MCC: variants seen among roughly 807,000 people sequenced by gnomAD.
MCC encodes the protein colorectal mutant cancer protein.
In MCC, 90 loss-of-function variants were observed where a neutral mutation model predicts 116.2. That is an observed-to-expected ratio of 0.77 (90% CI 0.65 to 0.92). MCC has a LOEUF of 0.92. Ranked by LOEUF, MCC falls within the 40% of genes least tolerant of loss-of-function variation. MCC has a pLI of 0.00. For missense variants in MCC, 1,516 were observed against 1,312.2 expected, an observed-to-expected ratio of 1.16 and a Z score of -2.40; for synonymous variants, 578 against 510.5, an observed-to-expected ratio of 1.13 and a Z score of -1.78.
intron 3 of MCC, among the ~76,000 whole-genome samples, chr5:113,217,028 C>A (rs942202682): frequency 5.9e-5 from 9 of 152,212 alleles, no homozygotes; most frequent in African/African-American, 1.9e-4. Flanking sequence ...GCTCCAAGTA[C>A]ACTGACAATG....
At chr5:113,046,364 G>A (rs916985939) in intron 16 of MCC, among the ~76,000 whole-genome samples, 3 of 151,990 alleles carry the variant, frequency 2.0e-5, no homozygotes, top group African/African-American at 7.2e-5. Flanking sequence ...GCTAATTTTT[G>A]TATTTTTAGT....
At chr5:113,291,433 G>C (rs937224553) in intron 3 of MCC, among the ~76,000 whole-genome samples, 3 of 152,184 alleles carry the variant, frequency 2.0e-5, no homozygotes, top group African/African-American at 7.2e-5. Context: ...TACTGTCAAA[G>C]AGTCAATGAC....
At position 113,488,351 on chromosome 5, in the gene MCC, T is replaced by TGCCGCCGCCGCTGCCGCTGCCGCTGCC. The variant is rs1554087751; in HGVS notation, c.63_64insGGCAGCGGCAGCGGCAGCGGCGGCGGC (p.Gly21_Ser22insGlySerGlySerGlySerGlyGlyGly). On this transcript the variant is annotated inframe_insertion, in exon 1 of 19. Coordinates refer to ENST00000408903, the MANE Select transcript of MCC (RefSeq NM_001085377.2). ...TCGCTGCTGCTGCTGCTGCTGCCGC[T>TGCCGCCGCCGCTGCCGCTGCCGCTGCC]GCCGCCGCCGCCGCCGCCGCTGCTG... The TGCCGCCGCCGCTGCCGCTGCCGCTGCC allele has an allele frequency of 6.4e-5, 93 of 1,455,554 alleles. No homozygotes were observed. In the East Asian group the frequency reaches 2.4e-3, roughly 37 times the overall value. 90.2% of individuals were successfully genotyped at this position (1,455,554 alleles called of 1,614,324 possible).
intron 3 of MCC, among the ~76,000 whole-genome samples, chr5:113,192,129 T>C (rs1762178914): frequency 6.6e-6 from 1 of 152,222 alleles, no homozygotes; most frequent in African/African-American, 2.4e-5. Flanking sequence ...GTGCTGGGGC[T>C]AGTGCCACAT....
intron 5 of MCC, among the ~76,000 whole-genome samples, chr5:113,140,572 A>T (rs1001387479): frequency 6.6e-6 from 1 of 152,206 alleles, no homozygotes; most frequent in Admixed American, 6.5e-5. Context: ...GCAGTCACAG[A>T]AGGTGCCTGG....
intron 3 of MCC, among the ~76,000 whole-genome samples, chr5:113,305,211 G>C (rs11954798): frequency 0.029 from 4,377 of 152,206 alleles, 211 homozygotes; most frequent in African/African-American, 0.099. Flanking sequence ...GCTGAGGCAT[G>C]AAGAATGGGC....
intron 2 of MCC, among the ~76,000 whole-genome samples, chr5:113,374,772 T>C (rs1768939835): frequency 6.6e-6 from 1 of 151,864 alleles, no homozygotes; most frequent in East Asian, 1.9e-4. Flanking sequence ...AGGTGGATCA[T>C]TTGAGCCCAG....
chr5:113,056,627 A>G (rs4705759), intron 14 of MCC, among the ~76,000 whole-genome samples: 148,892 of 152,252 alleles, frequency 0.98, 72,813 homozygotes, highest in East Asian at 1. Flanking sequence ...ATGCATACGA[A>G]GCTTAATACC....
intron 1 of MCC, among the ~76,000 whole-genome samples, chr5:113,391,412 T>C (rs374239241): frequency 1.2e-4 from 18 of 152,196 alleles, no homozygotes; most frequent in Admixed American, 7.9e-4. Flanking sequence ...TAAGGAGATA[T>C]TGTCTAAAGT....
chr5:113,410,144 AGTGTACTCCAT>A (rs1769942902), intron 1 of MCC, among the ~76,000 whole-genome samples: 1 of 152,174 alleles, frequency 6.6e-6, no homozygotes, highest in Non-Finnish European at 1.5e-5. Context: ...TTTTATAACT[AGTGTACTCCAT>A]GTAGCAAAAA....
chr5:113,477,722 G>T (rs910764482), intron 1 of MCC, among the ~76,000 whole-genome samples: 1 of 152,082 alleles, frequency 6.6e-6, no homozygotes, highest in Non-Finnish European at 1.5e-5. Context: ...TGAAGAGTAG[G>T]CTAATTTAAA....
intron 3 of MCC, among the ~76,000 whole-genome samples, chr5:113,289,895 G>T (rs906874971): frequency 6.6e-6 from 1 of 152,162 alleles, no homozygotes. Flanking sequence ...CTAATGCTAT[G>T]GCTAAGACAG....
chr5:113,304,961 C>T (rs895992640), intron 3 of MCC, among the ~76,000 whole-genome samples: 3 of 151,908 alleles, frequency 2.0e-5, no homozygotes, highest in Admixed American at 6.6e-5. Context: ...CAGCATCATT[C>T]CATTACTGTC....
intron 11 of MCC, among the ~76,000 whole-genome samples, chr5:113,072,521 C>T (rs1754110221): frequency 1.3e-5 from 2 of 152,178 alleles, no homozygotes; most frequent in African/African-American, 2.4e-5. Flanking sequence ...ATCTCAGGGC[C>T]CTTCTCAGAC....
intron 1 of MCC, among the ~76,000 whole-genome samples, chr5:113,418,212 G>A (rs1437872880): frequency 4.6e-5 from 7 of 151,186 alleles, no homozygotes; most frequent in South Asian, 4.2e-4. Flanking sequence ...AATGAACCCC[G>A]TTTAAATAGG....
At chr5:113,267,238 T>C (rs1220339905) in intron 3 of MCC, among the ~76,000 whole-genome samples, 2 of 152,070 alleles carry the variant, frequency 1.3e-5, no homozygotes, top group Admixed American at 6.6e-5. Flanking sequence ...TCAGCTCTCA[T>C]AGAGGCAACC....
chr5:113,235,020 T>C (rs1352893987), intron 3 of MCC, among the ~76,000 whole-genome samples: 3 of 152,240 alleles, frequency 2.0e-5, no homozygotes, highest in Admixed American at 6.5e-5. Flanking sequence ...TTACCAGTGA[T>C]GCTCCTAAAA....
intron 4 of MCC, among the ~76,000 whole-genome samples, chr5:113,145,677 G>A (rs1014856078): frequency 6.6e-6 from 1 of 151,810 alleles, no homozygotes; most frequent in Non-Finnish European, 1.5e-5. Context: ...CCAACCAGCA[G>A]CCCTCGCTGC....
At chr5:113,252,714 C>T (rs1322736570) in intron 3 of MCC, among the ~76,000 whole-genome samples, 1 of 152,214 alleles carries the variant, frequency 6.6e-6, no homozygotes, top group Non-Finnish European at 1.5e-5. Context: ...TTCCAGGAAA[C>T]TGGTCCCTGG....
Sources: allele counts gnomAD v4.1 joint callset (sites outside exome capture counted in the v4.1 genomes callset), GRCh38; gene constraint gnomAD v4.1.1; transcripts MANE v1.5; gene names NCBI Gene and HGNC (gene_info 2026-07-23, HGNC 2026-07-21).